The following TBL1XR1 variants were observed in gnomAD, a reference collection of about 807,000 sequenced individuals.
The protein encoded by TBL1XR1 is F-box-like/WD repeat-containing protein TBL1XR1.
A neutral mutation model predicts 66.9 loss-of-function variants in TBL1XR1; 5 were observed. The ratio of observed to expected loss-of-function variants is 0.07; its 90% CI spans 0.04 to 0.16. TBL1XR1 has a LOEUF of 0.16. Among genes scored for constraint, TBL1XR1 ranks in the 10% least tolerant of loss-of-function variants. TBL1XR1 has a pLI of 1.00. For synonymous variants in TBL1XR1, 210 were observed against 206.0 expected (o/e 1.02, Z -0.17); for missense variants, 238 against 623.2 (o/e 0.38, Z 6.58).
chr3:177,026,576 A>T (rs1713157192), intron 14 of TBL1XR1, 102 bp from the exon 15 acceptor site: 2 of 803,942 alleles, frequency 2.5e-6, no homozygotes, highest in Non-Finnish European at 3.7e-6. Flanking sequence ...TAGCAATCAG[A>T]GGAGGGACTT....
At chr3:177,183,887 G>A (rs925699187) in intron 1 of TBL1XR1, among the ~76,000 whole-genome samples, 5 of 151,988 alleles carry the variant, frequency 3.3e-5, no homozygotes, top group African/African-American at 1.2e-4. Context: ...TGGATCACCT[G>A]AAGTCAGGAG....
At chr3:177,140,888 A>AT (rs1729554108) in intron 1 of TBL1XR1, among the ~76,000 whole-genome samples, 2 of 152,124 alleles carry the variant, frequency 1.3e-5, no homozygotes, top group Non-Finnish European at 2.9e-5. Flanking sequence ...ACATTATGAG[A>AT]TTTTTTTGCG....
At chr3:177,192,176 T>A (rs1736230118) in intron 1 of TBL1XR1, among the ~76,000 whole-genome samples, 1 of 150,894 alleles carries the variant, frequency 6.6e-6, no homozygotes, top group Non-Finnish European at 1.5e-5. Context: ...AGCGGGCAGA[T>A]CACAAGGTCA....
chr3:177,039,612 C>T (rs912346905), intron 10 of TBL1XR1, among the ~76,000 whole-genome samples: 2 of 152,190 alleles, frequency 1.3e-5, no homozygotes, highest in Admixed American at 6.5e-5. Context: ...TCCTTGTCTC[C>T]TGCTGCAAGG....
At chr3:177,118,687 C>A (rs1418200823) in intron 1 of TBL1XR1, among the ~76,000 whole-genome samples, 1 of 152,182 alleles carries the variant, frequency 6.6e-6, no homozygotes, top group East Asian at 1.9e-4. Context: ...TGCCATGCTT[C>A]ATTTCAGATG....
intron 9 of TBL1XR1, among the ~76,000 whole-genome samples, chr3:177,047,057 A>G (rs1328410565): frequency 6.6e-6 from 1 of 152,218 alleles, no homozygotes; most frequent in Non-Finnish European, 1.5e-5. Context: ...TGCAGGACGT[A>G]TGACATTGTT....
chr3:177,041,913 A>G (rs1715639925), intron 10 of TBL1XR1, among the ~76,000 whole-genome samples: 1 of 152,110 alleles, frequency 6.6e-6, no homozygotes, highest in Non-Finnish European at 1.5e-5. Flanking sequence ...CCTATCCTCT[A>G]CAACCCAGTC....
At chr3:177,124,100 C>G (rs1365743419) in intron 1 of TBL1XR1, among the ~76,000 whole-genome samples, 3 of 152,008 alleles carry the variant, frequency 2.0e-5, no homozygotes, top group Non-Finnish European at 4.4e-5. Context: ...AGAACTAGAT[C>G]AAGCGATGAG....
chr3:177,141,853 T>C (rs1729669306), intron 1 of TBL1XR1, among the ~76,000 whole-genome samples: 1 of 152,172 alleles, frequency 6.6e-6, no homozygotes, highest in African/African-American at 2.4e-5. Context: ...ATATATACAG[T>C]GAAACATTAA....
In TBL1XR1 at chr3:177,165,976, C is replaced by T. The variant is rs571549282; in HGVS notation, c.-122+31145G>A. 1.1e-3 allele frequency among the ~76,000 whole-genome samples: 169 copies of T among 152,160 alleles called. 1 individual carries two copies. The highest frequency in any genetic ancestry group is 2.3e-3 in the Admixed American group (35 of 15,288). ...ATGGTGGTATGCCCCTGTAGACCCA[C>T]CTACTCAGGAGGCTGAGGTGGGAGG... On this transcript the variant is annotated intron_variant, in intron 1 of 15. Transcript: ENST00000457928.
intron 3 of TBL1XR1, among the ~76,000 whole-genome samples, chr3:177,057,772 T>G (rs1474186365): frequency 1.3e-5 from 2 of 152,158 alleles, no homozygotes; most frequent in African/African-American, 4.8e-5. Flanking sequence ...GCAAATCTGA[T>G]AGTACCTCTG....
chr3:177,115,776 T>G (rs1432384446), intron 1 of TBL1XR1, among the ~76,000 whole-genome samples: 3 of 152,256 alleles, frequency 2.0e-5, no homozygotes, highest in Non-Finnish European at 4.4e-5. Flanking sequence ...GAGGCACTGC[T>G]TAATTAACTA....
At chr3:177,109,440 G>T (rs1002593986) in intron 1 of TBL1XR1, among the ~76,000 whole-genome samples, 5 of 152,052 alleles carry the variant, frequency 3.3e-5, no homozygotes, top group African/African-American at 1.2e-4. Context: ...TTTGTATTTT[G>T]GGATGATTGT....
intron 2 of TBL1XR1, among the ~76,000 whole-genome samples, chr3:177,097,374 AT>A (rs1480734206): frequency 4.6e-5 from 7 of 152,174 alleles, no homozygotes; most frequent in South Asian, 2.1e-4. Context: ...TCGGTAAGAA[AT>A]TTTTTTTAAG....
intron 2 of TBL1XR1, among the ~76,000 whole-genome samples, chr3:177,096,278 G>T (rs1331464990): frequency 6.6e-6 from 1 of 151,726 alleles, no homozygotes; most frequent in Non-Finnish European, 1.5e-5. Context: ...TAGACTGTAA[G>T]CAAGTTTGCT....
intron 12 of TBL1XR1, among the ~76,000 whole-genome samples, chr3:177,036,248 G>A (rs1303871699): frequency 6.6e-6 from 1 of 152,112 alleles, no homozygotes; most frequent in Non-Finnish European, 1.5e-5. Flanking sequence ...CATGCCCAAG[G>A]ATTTTAAAGA....
chr3:177,113,284 A>T (rs1725884007), intron 1 of TBL1XR1, among the ~76,000 whole-genome samples: 1 of 152,220 alleles, frequency 6.6e-6, no homozygotes, highest in Non-Finnish European at 1.5e-5. Flanking sequence ...AAAACTCAAG[A>T]GGAACACTTC....
At chr3:177,049,632 T>G (rs193272306) in intron 7 of TBL1XR1, among the ~76,000 whole-genome samples, 1 of 152,226 alleles carries the variant, frequency 6.6e-6, no homozygotes, top group African/African-American at 2.4e-5. Flanking sequence ...TCGGTTGTTA[T>G]AGATTTAGTA....
chr3:177,068,377 A>T (rs1316244102), intron 2 of TBL1XR1, among the ~76,000 whole-genome samples: 1 of 152,244 alleles, frequency 6.6e-6, no homozygotes, highest in Non-Finnish European at 1.5e-5. Flanking sequence ...TGTAGCCAAA[A>T]GCAAATCCAA....
Sources: allele counts gnomAD v4.1 joint callset (sites outside exome capture counted in the v4.1 genomes callset), GRCh38; gene constraint gnomAD v4.1.1; transcripts MANE v1.5; gene names NCBI Gene and HGNC (gene_info 2026-07-23, HGNC 2026-07-21).